The following BACH1 variants were observed in gnomAD, a reference collection of about 807,000 sequenced individuals.
BACH1 encodes the protein BTB domain and CNC homolog 1, also known as transcription regulator protein BACH1.
BACH1 carries 35 observed loss-of-function variants against 52.9 expected under a neutral mutation model. That is an observed-to-expected ratio of 0.66 (90% CI 0.51 to 0.88). BACH1 has a LOEUF of 0.88. BACH1 is among the 40% of genes least tolerant of loss of function. The pLI is 0.00. For missense variants in BACH1, 808 were observed against 872.6 expected (o/e 0.93, Z 0.93); for synonymous variants, 321 against 319.6 (o/e 1.00, Z -0.05).
At chr21:29,339,916 G>A (rs762211863) in intron 4 of BACH1, among the ~76,000 whole-genome samples, 120 of 152,298 alleles carry the variant, frequency 7.9e-4, no homozygotes, top group Admixed American at 5.2e-4. Flanking sequence ...GATTACAGGC[G>A]TGAGCCACTG....
chr21:29,334,213 T>A (rs891559285), intron 4 of BACH1, among the ~76,000 whole-genome samples: 1 of 152,072 alleles, frequency 6.6e-6, no homozygotes, highest in Non-Finnish European at 1.5e-5. Flanking sequence ...TTCACCTGCC[T>A]CGGCCTCCCG....
chr21:29,353,136 C>T (rs573781323), intron 2 of BACH1, among the ~76,000 whole-genome samples: 5 of 152,172 alleles, frequency 3.3e-5, no homozygotes, highest in South Asian at 2.1e-4. Context: ...CAAGAGCCAC[C>T]GTGCCTGGCC....
intron 1 of BACH1, among the ~76,000 whole-genome samples, chr21:29,311,304 T>G (rs1840436742): frequency 6.6e-6 from 1 of 152,232 alleles, no homozygotes. Flanking sequence ...AAAGTTATAT[T>G]AATACTTGCA....
At chr21:29,331,965 A>C (rs1347934589) in intron 4 of BACH1, among the ~76,000 whole-genome samples, 1 of 152,078 alleles carries the variant, frequency 6.6e-6, no homozygotes, top group Non-Finnish European at 1.5e-5. Flanking sequence ...CAGTGGCATG[A>C]TCTCGGCTCA....
intron 2 of BACH1, among the ~76,000 whole-genome samples, chr21:29,322,673 A>T (rs555944199): frequency 6.6e-6 from 1 of 152,248 alleles, no homozygotes; most frequent in African/African-American, 2.4e-5. Flanking sequence ...GGATATTCCC[A>T]GTTGGATACG....
intron 4 of BACH1, among the ~76,000 whole-genome samples, chr21:29,337,929 TAAAACA>T (rs147963506): frequency 0.028 from 4,324 of 151,868 alleles, 116 homozygotes; most frequent in East Asian, 0.074. Context: ...AACTCCGTCT[TAAAACA>T]AAAACAAAAA....
chr21:29,327,274 G>A lies in BACH1; in HGVS notation c.1450G>A (p.Val484Ile), dbSNP rs754615744. ...SNLEIGNDDY[V>I]SEPQQEPCPY... Reference sequence around the variant, plus strand: ...TTTGGAAATTGGAAACGATGATTATGTTTCAGAACCCCAGCAAGAACCTTG... The same window carrying A: ...TTTGGAAATTGGAAACGATGATTATATTTCAGAACCCCAGCAAGAACCTTG... The change falls in exon 3 of 5, where the codon GTT (valine) becomes ATT (isoleucine). Residue 484 changes from valine (V) to isoleucine (I), a missense_variant. Physicochemically the swap from Val to Ile is conservative, Grantham distance 29. Coordinates refer to ENST00000286800, the MANE Select transcript of BACH1 (RefSeq NM_001186.4). The A allele has an allele frequency of 3.1e-6, 5 of 1,614,074 alleles. No homozygotes were observed. Among genetic ancestry groups the A allele is most frequent in the Middle Eastern group, 1.6e-4 (1 of 6,084 alleles).
rs139633407 is a variant in BACH1 at position 29,307,407 on chromosome 21, T to TTGTGTGTGTGTG, written c.-61+8463_-61+8474dup. The stretch of plus-strand genomic sequence containing the variant: ...AACATGTCCATTACCTCACTTACCT[T>TTGTGTGTGTGTG]TGTGTGTGTGTGTGTGTGTGGTGAG... On this transcript the variant is annotated intron_variant, in intron 1 of 4. Coordinates refer to ENST00000286800, the MANE Select transcript of BACH1 (RefSeq NM_001186.4). Among the ~76,000 whole-genome samples the TTGTGTGTGTGTG allele has an allele frequency of 6.1e-4, 92 of 150,030 alleles. 1 individual carries two copies. Among genetic ancestry groups the TTGTGTGTGTGTG allele is most frequent in the African/African-American group, 2.1e-3 (87 of 40,948 alleles).
intron 2 of BACH1, among the ~76,000 whole-genome samples, chr21:29,354,319 T>G (rs1409305879): frequency 6.6e-6 from 1 of 152,070 alleles, no homozygotes; most frequent in Non-Finnish European, 1.5e-5. Context: ...AAGTTTGACA[T>G]TTATCTTAAG....
chr21:29,307,539 T>A (rs1411647081), intron 1 of BACH1, among the ~76,000 whole-genome samples: 1 of 152,228 alleles, frequency 6.6e-6, no homozygotes, highest in Non-Finnish European at 1.5e-5. Flanking sequence ...TCCAAAAATA[T>A]TAAATACAAT....
chr21:29,311,541 A>C (rs920564646), intron 1 of BACH1, among the ~76,000 whole-genome samples: 1 of 152,096 alleles, frequency 6.6e-6, no homozygotes, highest in Non-Finnish European at 1.5e-5. Flanking sequence ...TTTTTGGTGG[A>C]TACCTCTGTC....
intron 1 of BACH1, among the ~76,000 whole-genome samples, chr21:29,317,816 C>T (rs564645036): frequency 6.6e-5 from 10 of 152,234 alleles, no homozygotes; most frequent in African/African-American, 2.4e-4. Flanking sequence ...ACCCTTTTCC[C>T]ACATCATCTC....
chr21:29,327,158 G>T lies in BACH1; in HGVS notation c.1334G>T (p.Ser445Ile), dbSNP rs761007030. Reference sequence around the variant, plus strand: ...TGGTTAGGTATCAGGATTAGTGAGAGCCCAGAACCAGGTCAAAGGACTTTC... The same window carrying T: ...TGGTTAGGTATCAGGATTAGTGAGATCCCAGAACCAGGTCAAAGGACTTTC... The part of the protein sequence containing the change: ...CPWLGIRISE[S>I]PEPGQRTFTT... Residue 445 changes from serine to isoleucine, a missense_variant, in exon 3 of 5, where the codon AGC becomes ATC. By Grantham distance (142) the Ser-to-Ile change is moderately radical. Coordinates refer to ENST00000286800, the MANE Select transcript of BACH1 (RefSeq NM_001186.4). 5 of 1,614,232 alleles carry T rather than the reference G, an allele frequency of 3.1e-6. No homozygotes were observed. Among genetic ancestry groups the T allele is most frequent in the Non-Finnish European group, 4.2e-6 (5 of 1,180,044 alleles).
At chr21:29,311,640 C>T (rs1477868125) in intron 1 of BACH1, among the ~76,000 whole-genome samples, 6 of 152,152 alleles carry the variant, frequency 3.9e-5, no homozygotes, top group African/African-American at 1.4e-4. Context: ...GTTTACTCTA[C>T]TATCCCCCCA....
Position 29,342,611 on chromosome 21 carries a change from A to C in BACH1, c.1989A>C (p.Glu663Asp). 1.2e-6 allele frequency: 2 copies of C among 1,614,156 alleles called. No individual in the cohort carries two copies. The highest frequency in any genetic ancestry group is 1.7e-6 in the Non-Finnish European group (2 of 1,180,006). Residue 663 changes from glutamate (E) to aspartate (D), a missense_variant, in exon 5 of 5, where the codon GAA becomes GAC. Glu to Asp is a conservative substitution (Grantham distance 45). Coordinates refer to ENST00000286800, the MANE Select transcript of BACH1 (RefSeq NM_001186.4). ...AAGATAAAAGTACTCCTGATGGTGA[A>C]CTGGCGTTACCATCAATTTTCAGTT... is the stretch of plus-strand genomic sequence containing the variant. The part of the protein sequence containing the change: ...SEKDKSTPDG[E>D]LALPSIFSLS...
intron 3 of BACH1, among the ~76,000 whole-genome samples, chr21:29,328,635 T>A (rs913879961): frequency 6.6e-6 from 1 of 152,214 alleles, no homozygotes; most frequent in African/African-American, 2.4e-5. Context: ...CACAATATTG[T>A]ACAGCAGATC....
At chr21:29,302,135 G>A (rs1009953736) in intron 1 of BACH1, among the ~76,000 whole-genome samples, 1 of 152,178 alleles carries the variant, frequency 6.6e-6, no homozygotes, top group African/African-American at 2.4e-5. Flanking sequence ...TGAGAGAATT[G>A]TCTTAACCCT....
At chr21:29,311,555 A>T (rs536356517) in intron 1 of BACH1, among the ~76,000 whole-genome samples, 1 of 152,218 alleles carries the variant, frequency 6.6e-6, no homozygotes, top group Non-Finnish European at 1.5e-5. Flanking sequence ...CTCTGTCTAA[A>T]ATGTTTACAC....
intron 1 of BACH1, among the ~76,000 whole-genome samples, chr21:29,308,648 T>C (rs1324287284): frequency 6.6e-6 from 1 of 152,210 alleles, no homozygotes. Context: ...CAGGGGGTCA[T>C]TTTGGCCATC....
Sources: allele counts gnomAD v4.1 joint callset (sites outside exome capture counted in the v4.1 genomes callset), GRCh38; gene constraint gnomAD v4.1.1; transcripts MANE v1.5; gene names NCBI Gene and HGNC (gene_info 2026-07-23, HGNC 2026-07-21).